SOX5: variants seen among roughly 807,000 people sequenced by gnomAD.
The protein encoded by SOX5 is SRY-box transcription factor 5.
In SOX5, 9 loss-of-function variants were observed where a neutral mutation model predicts 92.0. The observed-to-expected ratio is 0.10, with a 90% CI of 0.06 to 0.17. The LOEUF (loss-of-function observed/expected upper bound fraction) is 0.17. Among genes scored for constraint, SOX5 ranks in the 10% least tolerant of loss-of-function variants. The pLI, the probability that SOX5 is intolerant of heterozygous loss-of-function variation, is 1.00. For synonymous variants in SOX5, 344 were observed against 336.3 expected (o/e 1.02, Z -0.25); for missense variants, 642 against 944.5 (o/e 0.68, Z 4.20).
At chr12:24,494,161 G>C (rs147220781) in intron 1 of SOX5, among the ~76,000 whole-genome samples, 249 of 152,274 alleles carry the variant, frequency 1.6e-3, no homozygotes, top group Admixed American at 4.9e-3. Context: ...CATATACATA[G>C]GGTGTCTAGG....
At chr12:24,406,225 C>A (rs1016668148) in intron 1 of SOX5, among the ~76,000 whole-genome samples, 1 of 152,088 alleles carries the variant, frequency 6.6e-6, no homozygotes, top group Non-Finnish European at 1.5e-5. Context: ...TCACAAGACA[C>A]CAAATCAGAG....
intron 1 of SOX5, among the ~76,000 whole-genome samples, chr12:24,453,863 C>G (rs1028432779): frequency 6.4e-4 from 97 of 152,162 alleles, no homozygotes; most frequent in African/African-American, 2.2e-3. Flanking sequence ...ACTCCATCAG[C>G]GTCTACATCT....
Position 23,713,182 on chromosome 12 carries a change from C to T in SOX5, c.810+21502G>A, listed in dbSNP as rs571708619. On this transcript the variant is annotated intron_variant, in intron 6 of 14. Transcript: ENST00000451604. ...GGGACAGAGGCAGAGACTAGAGTCACGCATCTACAAGCCAAGCATCCCAAG... is the reference window on the plus strand; with the variant it reads ...GGGACAGAGGCAGAGACTAGAGTCATGCATCTACAAGCCAAGCATCCCAAG... Among the ~76,000 whole-genome samples, 9 of 151,884 alleles carry T rather than the reference C, an allele frequency of 5.9e-5. No homozygotes were observed. The East Asian group carries it at 1.2e-3, about 20-fold the overall frequency.
chr12:24,179,814 T>A (rs1452028804), intron 4 of SOX5, among the ~76,000 whole-genome samples: 2 of 152,074 alleles, frequency 1.3e-5, no homozygotes, highest in Non-Finnish European at 2.9e-5. Context: ...GGATAGGATG[T>A]GTTTATCAAA....
chr12:23,577,491 G>A (rs965828010), intron 9 of SOX5, among the ~76,000 whole-genome samples: 2 of 151,732 alleles, frequency 1.3e-5, no homozygotes, highest in Admixed American at 6.6e-5. Flanking sequence ...GAGCCATGGC[G>A]CCTGGCCTCA....
chr12:23,895,870 C>A lies in SOX5; in HGVS notation c.193G>T (p.Glu65Ter). 6.2e-7 allele frequency: 1 copy of A among 1,614,134 alleles called. No homozygotes were observed. Residue 65 changes from glutamate to a stop codon, truncating the protein, a stop_gained, in exon 2 of 15, where the codon GAG becomes TAG. Coordinates refer to ENST00000451604, the MANE Select transcript of SOX5 (RefSeq NM_006940.6). LOFTEE classifies it high-confidence loss of function. ...HVSFPNKPHS[E>*]EFQPVSLLTQ... ...AGCAGAGAAACTGGCTGAAATTCCT[C>A]AGAGTGAGGCTTGTTGGGAAAACTC...
At chr12:24,538,596 TA>T (rs984305819) in intron 1 of SOX5, among the ~76,000 whole-genome samples, 9 of 64,628 alleles carry the variant, frequency 1.4e-4, no homozygotes, top group African/African-American at 6.4e-4. Context: ...AAGCTGGATC[TA>T]AACACACACA....
At chr12:23,849,452 A>T (rs935295707) in intron 2 of SOX5, among the ~76,000 whole-genome samples, 3 of 152,212 alleles carry the variant, frequency 2.0e-5, no homozygotes, top group African/African-American at 7.2e-5. Context: ...TGAGGCAGAG[A>T]GACTGAAGCA....
chr12:23,865,162 C>A (rs553564545), intron 2 of SOX5, among the ~76,000 whole-genome samples: 4 of 152,150 alleles, frequency 2.6e-5, no homozygotes, highest in Non-Finnish European at 5.9e-5. Flanking sequence ...CTGTTTACAA[C>A]ATGGTTTACT....
chr12:23,726,176 G>GAGAGAGA (rs1555294880), intron 6 of SOX5, among the ~76,000 whole-genome samples: 114 of 73,066 alleles, frequency 1.6e-3, no homozygotes, highest in South Asian at 3.3e-3. Context: ...AGAGAGAGAG[G>GAGAGAGA]TCAGTTTCTC....
intron 1 of SOX5, among the ~76,000 whole-genome samples, chr12:24,561,527 C>T (rs924067746): frequency 1.3e-5 from 2 of 152,194 alleles, no homozygotes; most frequent in African/African-American, 2.4e-5. Context: ...CTTTTCATTG[C>T]TTCTTATTGC....
In SOX5 at chr12:23,536,456, A is replaced by T. The variant is rs1237122675; in HGVS notation, c.1985T>A (p.Val662Asp). The change falls in exon 14 of 15, where the codon GTT (valine) becomes GAT (aspartate). Residue 662 changes from valine to aspartate, a missense_variant. Val to Asp is a radical substitution (Grantham distance 152). Coordinates refer to ENST00000451604, the MANE Select transcript of SOX5 (RefSeq NM_006940.6). ...RRQEMRQYFNVGQQAQIPIAT... is the reference protein window; with the variant it reads ...RRQEMRQYFNDGQQAQIPIAT... ...AAAATGACTAAAAGGTACATACCCA[A>T]CATTGAAGTACTGCCGCATTTCCTG... 2 of 1,613,306 alleles carry T rather than the reference A, an allele frequency of 1.2e-6. No individual in the cohort carries two copies.
At chr12:23,900,042 T>C (rs1050056872) in intron 1 of SOX5, among the ~76,000 whole-genome samples, 1 of 151,954 alleles carries the variant, frequency 6.6e-6, no homozygotes, top group Non-Finnish European at 1.5e-5. Flanking sequence ...TGAGGATAAA[T>C]AGACAGGGAA....
intron 4 of SOX5, among the ~76,000 whole-genome samples, chr12:24,197,206 G>A (rs1163105480): frequency 6.6e-6 from 1 of 152,156 alleles, no homozygotes; most frequent in Non-Finnish European, 1.5e-5. Context: ...TTCATTTCCA[G>A]ATCAATTTAA....
chr12:23,984,774 T>C (rs1949907518), intron 4 of SOX5, among the ~76,000 whole-genome samples: 1 of 152,216 alleles, frequency 6.6e-6, no homozygotes, highest in African/African-American at 2.4e-5. Context: ...TGCTTAAGTT[T>C]GACTTTGCAA....
At chr12:23,878,365 C>T (rs1308421286) in intron 2 of SOX5, among the ~76,000 whole-genome samples, 1 of 151,970 alleles carries the variant, frequency 6.6e-6, no homozygotes, top group African/African-American at 2.4e-5. Context: ...ATTTCTAACA[C>T]TTTTTCCTTT....
At chr12:24,134,087 C>T (rs1318682268) in intron 4 of SOX5, among the ~76,000 whole-genome samples, 1 of 151,870 alleles carries the variant, frequency 6.6e-6, no homozygotes, top group African/African-American at 2.4e-5. Flanking sequence ...TAAATTGTTG[C>T]TTCTAAACAT....
intron 9 of SOX5, among the ~76,000 whole-genome samples, chr12:23,599,610 T>A (rs1001831740): frequency 3.9e-5 from 6 of 152,204 alleles, no homozygotes; most frequent in African/African-American, 1.4e-4. Flanking sequence ...GGTTTAATAG[T>A]ATTTACAAGT....
chr12:23,873,586 C>T (rs2096897295), intron 2 of SOX5, among the ~76,000 whole-genome samples: 1 of 152,118 alleles, frequency 6.6e-6, no homozygotes, highest in Non-Finnish European at 1.5e-5. Context: ...GTTTTCAGTG[C>T]CAAGTATATC....
Sources: allele counts gnomAD v4.1 joint callset (sites outside exome capture counted in the v4.1 genomes callset), GRCh38; gene constraint gnomAD v4.1.1; transcripts MANE v1.5; gene names NCBI Gene and HGNC (gene_info 2026-07-23, HGNC 2026-07-21).